Variants in AZIN2 observed in about 807,000 individuals in gnomAD.
AZIN2 encodes ODC antizyme inhibitor-2.
Under a neutral mutation model 47.8 loss-of-function variants are expected in AZIN2, and 28 were observed. The ratio of observed to expected loss-of-function variants is 0.59; its 90% confidence interval spans 0.43 to 0.80. The LOEUF is 0.80. Ranked by LOEUF, AZIN2 falls within the 30% of genes least tolerant of loss-of-function variation. The pLI is 0.00. For synonymous variants in AZIN2, 221 were observed against 239.4 expected (o/e 0.92, Z 0.71); for missense variants, 535 against 582.5 (o/e 0.92, Z 0.84).
At chr1:33,135,448 G>A in the AZIN2 span, among the ~76,000 whole-genome samples, 1 of 152,192 alleles carries the variant, frequency 6.6e-6, no homozygotes. Context: ...GCACGTGGCA[G>A]TCCCTCAATA....
chr1:33,093,430 A>G lies in AZIN2; in HGVS notation c.587+14A>G. ...GGTGGGTGTGAGGTGAGCACTGGGA[A>G]CCCCTGCCATCCCCTCCCACACCAG... On this transcript the variant is annotated intron_variant, in intron 7 of 11. Coordinates refer to ENST00000294517, the MANE Select transcript of AZIN2 (RefSeq NM_052998.4). 3 of 1,610,104 alleles carry G rather than the reference A, an allele frequency of 1.9e-6. No individual in the cohort carries two copies. The highest frequency in any genetic ancestry group is 2.5e-6 in the Non-Finnish European group (3 of 1,177,934).
At chr1:33,153,297 C>T in the AZIN2 span, among the ~76,000 whole-genome samples, 2,410 of 152,304 alleles carry the variant, frequency 0.016, 65 homozygotes, top group African/African-American at 0.05. Flanking sequence ...CTGCTGCTCT[C>T]TGAACTCCCC....
Position 33,094,648 on chromosome 1 carries a change from A to G in AZIN2, c.688A>G (p.Met230Val). 1 of 1,614,136 alleles carries G rather than the reference A, an allele frequency of 6.2e-7. No homozygotes were observed. Among genetic ancestry groups the G allele is most frequent in the Non-Finnish European group, 8.5e-7 (1 of 1,180,018 alleles). The change falls in exon 8 of 12, where the codon ATG (methionine) becomes GTG (valine). Residue 230 changes from methionine (M) to valine (V), a missense_variant. By Grantham distance (21) the Met-to-Val change is conservative. Around this residue, in one of 3 missense-constraint regions of AZIN2, gnomAD observed 409 missense variants for 429.0 expected, o/e 0.95. Transcript: ENST00000294517. ...FEMGTELGHKMHVLDLGGGFP... is the reference protein window; with the variant it reads ...FEMGTELGHKVHVLDLGGGFP... ...AATGGGCACCGAGCTGGGTCACAAG[A>G]TGCACGTTCTGGACCTTGGTGGTGG...
At chr1:33,134,133 T>TAG in the AZIN2 span, among the ~76,000 whole-genome samples, 1 of 152,340 alleles carries the variant, frequency 6.6e-6, no homozygotes, top group East Asian at 1.9e-4. Context: ...TCTGAACACT[T>TAG]ACCGTGGGCC....
At chr1:33,088,518 C>T (rs1231137544) in intron 5 of AZIN2, among the ~76,000 whole-genome samples, 1 of 152,210 alleles carries the variant, frequency 6.6e-6, no homozygotes, top group Non-Finnish European at 1.5e-5. Flanking sequence ...GCAAATCTGA[C>T]CATGTCGTTT....
the AZIN2 span, chr1:33,158,474 G>A: frequency 1.2e-6 from 1 of 822,902 alleles, no homozygotes; most frequent in Non-Finnish European, 2.1e-6. Context: ...ATGTGGTCAT[G>A]AGTGAGAAGT....
At chr1:33,106,494 T>A (rs1202263750) in intron 10 of AZIN2, among the ~76,000 whole-genome samples, 3 of 152,086 alleles carry the variant, frequency 2.0e-5, no homozygotes, top group Admixed American at 6.5e-5. Context: ...TTCACAGATA[T>A]GCAAAAATCC....
the AZIN2 span, among the ~76,000 whole-genome samples, chr1:33,154,279 A>G: frequency 1.3e-5 from 2 of 151,864 alleles, no homozygotes; most frequent in African/African-American, 4.8e-5. Context: ...TTCCCTCCCC[A>G]GTCACTGACC....
chr1:33,087,636 C>T (rs1212535795), intron 5 of AZIN2, among the ~76,000 whole-genome samples: 1 of 151,822 alleles, frequency 6.6e-6, no homozygotes, highest in African/African-American at 2.4e-5. Flanking sequence ...CAGGGTTTTA[C>T]CATGTTGGCC....
intron 10 of AZIN2, among the ~76,000 whole-genome samples, chr1:33,116,092 C>T (rs1644528970): frequency 6.6e-6 from 1 of 152,178 alleles, no homozygotes; most frequent in Non-Finnish European, 1.5e-5. Flanking sequence ...GTCTCCCCTT[C>T]TTAGAATGGG....
downstream of AZIN2, among the ~76,000 whole-genome samples, chr1:33,125,202 A>T (rs962464767): frequency 6.6e-6 from 1 of 152,194 alleles, no homozygotes; most frequent in African/African-American, 2.4e-5. Flanking sequence ...AAGGGAACAA[A>T]GGGGAGGCAA....
chr1:33,156,843 GTCT>G, the AZIN2 span, among the ~76,000 whole-genome samples: 1 of 151,964 alleles, frequency 6.6e-6, no homozygotes, highest in East Asian at 1.9e-4. Context: ...TATCTCCCTC[GTCT>G]TCTTTCTTTC....
At position 33,096,716 on chromosome 1, in the gene AZIN2, GT is replaced by G; in HGVS notation, c.764del (p.Val255GlyfsTer27). 6.2e-7 allele frequency: 1 copy of G among 1,614,186 alleles called. No homozygotes were observed. The highest frequency in any genetic ancestry group is 8.5e-7 in the Non-Finnish European group (1 of 1,180,036). On this transcript the variant is annotated frameshift_variant, in exon 9 of 12. Coordinates refer to ENST00000294517, the MANE Select transcript of AZIN2 (RefSeq NM_052998.4). LOFTEE classifies it high-confidence loss of function. ...AKVRFEEIASVINSALDLYFP... is the reference protein window; with the variant it reads ...AKVRFEEIASXINSALDLYFP... Reference sequence around the variant, plus strand: ...ATTCTCCTCCTACCAGATTGCTTCCGTGATCAACTCAGCCTTGGACCTGTAC... The same window carrying G: ...ATTCTCCTCCTACCAGATTGCTTCCGGATCAACTCAGCCTTGGACCTGTAC...
the AZIN2 span, among the ~76,000 whole-genome samples, chr1:33,140,612 A>AC: frequency 1.2e-4 from 19 of 152,208 alleles, no homozygotes; most frequent in South Asian, 3.9e-3. The surrounding 1 kb of genome is among the most constrained non-coding windows in gnomAD (Gnocchi z 4.0). Context: ...AAATCAGGGA[A>AC]CCCCCTTGGG....
At chr1:33,158,383 G>A in the AZIN2 span, 1 of 1,610,172 alleles carries the variant, frequency 6.2e-7, no homozygotes, top group Non-Finnish European at 8.5e-7. Flanking sequence ...AAGGAGAGCA[G>A]GAAAGGGGGC....
the AZIN2 span, among the ~76,000 whole-genome samples, chr1:33,140,513 G>C: frequency 3.9e-5 from 6 of 152,218 alleles, no homozygotes; most frequent in Non-Finnish European, 7.3e-5. The surrounding 1 kb of genome is among the most constrained non-coding windows in gnomAD (Gnocchi z 4.0). Flanking sequence ...AGCCTGCAGG[G>C]AGTGAGGGGG....
At chr1:33,146,597 A>G in the AZIN2 span, 1,108 of 162,484 alleles carry the variant, frequency 6.8e-3, 11 homozygotes, top group African/African-American at 0.025. Context: ...ATCATCACTG[A>G]CCAGCAGATC....
chr1:33,125,730 A>C (rs1359822498), downstream of AZIN2, among the ~76,000 whole-genome samples: 1 of 150,132 alleles, frequency 6.7e-6, no homozygotes, highest in Admixed American at 6.6e-5. Flanking sequence ...TGTTCATCAC[A>C]CGCCCTTTCC....
At chr1:33,105,516 G>A (rs150361378) in intron 10 of AZIN2, among the ~76,000 whole-genome samples, 3,280 of 152,276 alleles carry the variant, frequency 0.022, 132 homozygotes, top group African/African-American at 0.074. Context: ...GGCAGAAGGG[G>A]AAGCAGGCAC....
Sources: allele counts gnomAD v4.1 joint callset (sites outside exome capture counted in the v4.1 genomes callset), GRCh38; gene constraint gnomAD v4.1.1; regional missense constraint gnomAD v4.1.1; non-coding constraint Gnocchi (gnomAD v3.1); transcripts MANE v1.5; gene names NCBI Gene and HGNC (gene_info 2026-07-23, HGNC 2026-07-21).